The following NCAPG2 variants were observed in gnomAD, a reference collection of about 807,000 sequenced individuals.
The protein encoded by NCAPG2 is non-SMC condensin II complex subunit G2, also known as condensin-2 complex subunit G2.
Under a neutral mutation model 141.1 loss-of-function variants are expected in NCAPG2, and 53 were observed. That is an observed-to-expected ratio of 0.38 (90% CI 0.30 to 0.47). The LOEUF is 0.47. NCAPG2 is among the 20% of genes least tolerant of loss of function. NCAPG2 has a pLI of 0.99. For synonymous variants in NCAPG2, 499 were observed against 490.7 expected (o/e 1.02, Z -0.22); for missense variants, 1,087 against 1,389.0 (o/e 0.78, Z 3.46).
intron 27 of NCAPG2, among the ~76,000 whole-genome samples, chr7:158,632,112 TCTA>T (rs1276337546): frequency 3.9e-5 from 6 of 152,164 alleles, no homozygotes; most frequent in Non-Finnish European, 5.9e-5. Context: ...ACCAAGATAC[TCTA>T]CTACCATGAC....
chr7:158,683,202 T>C (rs1834544586), intron 9 of NCAPG2, 98 bp downstream of exon 9: 1 of 1,012,206 alleles, frequency 9.9e-7, no homozygotes, highest in Non-Finnish European at 1.4e-6. Context: ...CCCTAACTGA[T>C]GTCTGTGAAA....
At chr7:158,649,157 T>TA (rs1831292887) in intron 24 of NCAPG2, among the ~76,000 whole-genome samples, 1 of 152,066 alleles carries the variant, frequency 6.6e-6, no homozygotes, top group Non-Finnish European at 1.5e-5. Context: ...TCCACAATAA[T>TA]AGGAGTCAAT....
intron 13 of NCAPG2, among the ~76,000 whole-genome samples, chr7:158,667,537 T>G (rs1181893406): frequency 3.8e-5 from 1 of 26,506 alleles, no homozygotes; most frequent in Admixed American, 5.6e-4. Context: ...ACCTACCCTG[T>G]GGCCCTCCAC....
intron 9 of NCAPG2, among the ~76,000 whole-genome samples, chr7:158,682,182 A>G (rs748917924): frequency 6.6e-6 from 1 of 152,188 alleles, no homozygotes; most frequent in African/African-American, 2.4e-5. Flanking sequence ...GAAAACATAC[A>G]TAGTTTACAT....
intron 13 of NCAPG2, among the ~76,000 whole-genome samples, chr7:158,667,435 TCCTTACCCACTACTGGGTCCCTCCGCCCG>T (rs1563539097): frequency 1.3e-3 from 39 of 30,182 alleles, no homozygotes; most frequent in Admixed American, 2.0e-3. Context: ...CCCTCCGCCC[TCCTTACCCACTACTGGGTCCCTCCGCCCG>T]CCTTACCCAC....
intron 19 of NCAPG2, among the ~76,000 whole-genome samples, chr7:158,655,701 TC>T (rs1319783033): frequency 6.6e-6 from 1 of 152,302 alleles, no homozygotes; most frequent in Non-Finnish European, 1.5e-5. Context: ...GCACCACCCG[TC>T]CCCTCCCTGC....
chr7:158,680,066 C>A lies in NCAPG2; in HGVS notation c.1040G>T (p.Arg347Leu). Residue 347 changes from arginine to leucine, a missense_variant, in exon 11 of 28, where the codon CGA (arginine) becomes CTA (leucine). By Grantham distance (102) the Arg-to-Leu change is moderately radical. Coordinates refer to ENST00000356309, the MANE Select transcript of NCAPG2 (RefSeq NM_017760.7). Reference sequence around the variant, plus strand: ...AACAAACAACAATGCAGCATTTGATCGAACTTCAGAGTTTCTGGCCTATAA... The same window carrying A: ...AACAAACAACAATGCAGCATTTGATAGAACTTCAGAGTTTCTGGCCTATAA... Reference protein sequence around the residue: ...RGLKARNSEVRSNAALLFVEA... With the variant: ...RGLKARNSEVLSNAALLFVEA... 6.2e-7 allele frequency: 1 copy of A among 1,613,748 alleles called. No individual in the cohort carries two copies. The highest frequency in any genetic ancestry group is 1.1e-5 in the South Asian group (1 of 90,950).
intron 12 of NCAPG2, among the ~76,000 whole-genome samples, chr7:158,674,290 T>A (rs1968711): frequency 0.072 from 249 of 3,442 alleles, 2 homozygotes; most frequent in African/African-American, 0.12. Context: ...AAAAAAAAAT[T>A]TTTTTTTTTT....
intron 11 of NCAPG2, among the ~76,000 whole-genome samples, chr7:158,679,215 GA>G (rs1834294341): frequency 6.6e-6 from 1 of 151,972 alleles, no homozygotes; most frequent in Admixed American, 6.6e-5. Flanking sequence ...AAAAGAAAAA[GA>G]AAAAAGGGAG....
intron 27 of NCAPG2, chr7:158,641,220 G>GAAACAGGAACAAATAACAAGGGGAAC: frequency 3.1e-6 from 1 of 327,228 alleles, no homozygotes. Context: ...GTGGAAGACA[G>GAAACAGGAACAAATAACAAGGGGAAC]AAATAGGAAC....
chr7:158,643,570 T>C (rs1329480003), intron 27 of NCAPG2, among the ~76,000 whole-genome samples: 3 of 152,256 alleles, frequency 2.0e-5, no homozygotes, highest in African/African-American at 7.2e-5. Context: ...TGGAAGTTTA[T>C]TCACAAATTA....
chr7:158,666,987 C>T, intron 13 of NCAPG2: 1 of 321,566 alleles, frequency 3.1e-6, no homozygotes, highest in Non-Finnish European at 4.5e-6. Context: ...GGCAGCCTGG[C>T]TTCATGTGCC....
chr7:158,689,692 G>A (rs1247903560), intron 6 of NCAPG2, 127 bp downstream of exon 6: 2 of 753,982 alleles, frequency 2.7e-6, no homozygotes, highest in Admixed American at 3.7e-5. Context: ...TAAAAATCAT[G>A]TGCAGTAAAT....
chr7:158,663,047 A>G, intron 15 of NCAPG2, among the ~76,000 whole-genome samples: 1 of 152,286 alleles, frequency 6.6e-6, no homozygotes, highest in East Asian at 1.9e-4. Flanking sequence ...ACCCAGAGCC[A>G]GCAGTCCCAC....
In NCAPG2 at chr7:158,668,214, C is replaced by CCCTTACCCACTACTGGGTCCCTCCGCCCG. The variant is rs1833353175; in HGVS notation, c.1479+3299_1479+3300insCGGGCGGAGGGACCCAGTAGTGGGTAAGG. ...TACCGACCCTGGGTCCCTCCGCCCC[C>CCCTTACCCACTACTGGGTCCCTCCGCCCG]CCTTACCCACTACTGGGTCCCTCTG... On this transcript the variant is annotated intron_variant, in intron 13 of 27. Coordinates refer to ENST00000356309, the MANE Select transcript of NCAPG2 (RefSeq NM_017760.7). 2 of 168,240 alleles carry CCCTTACCCACTACTGGGTCCCTCCGCCCG rather than the reference C, an allele frequency of 1.2e-5. 1 individual carries two copies. Among genetic ancestry groups the CCCTTACCCACTACTGGGTCCCTCCGCCCG allele is most frequent in the Non-Finnish European group, 1.5e-5 (2 of 136,548 alleles). 10.4% of individuals were successfully genotyped at this position (168,240 alleles called of 1,614,324 possible).
rs747364993 is a variant in NCAPG2, at chr7:158,644,300, A to G, written c.3369T>C (p.Asp1123=). Residue 1123 remains aspartate, a synonymous_variant, in exon 27 of 28, where the codon GAT becomes GAC. Coordinates refer to ENST00000356309, the MANE Select transcript of NCAPG2 (RefSeq NM_017760.7). ...KTFMEITLEE[D]SIERFLYESS... ...TATCTCTCCTTTACCTTTCAATGCT[A>G]TCCTCTTCCAAAGTAATTTCCATGA... 74 of 1,610,642 alleles carry G rather than the reference A, an allele frequency of 4.6e-5. No individual in the cohort carries two copies. In the East Asian group the frequency reaches 5.1e-4, roughly 11 times the overall value.
At chr7:158,681,283 C>A (rs1175389847) in intron 9 of NCAPG2, among the ~76,000 whole-genome samples, 1 of 152,182 alleles carries the variant, frequency 6.6e-6, no homozygotes, top group Non-Finnish European at 1.5e-5. Context: ...CACTTAGTGA[C>A]CCCTCACTGT....
intron 11 of NCAPG2, among the ~76,000 whole-genome samples, chr7:158,678,736 A>C (rs913797672): frequency 4.0e-5 from 6 of 148,906 alleles, no homozygotes; most frequent in Non-Finnish European, 5.9e-5. Context: ...AATCTTTAAA[A>C]AAAAAAAAAG....
intron 27 of NCAPG2, among the ~76,000 whole-genome samples, chr7:158,636,950 T>C (rs1351541589): frequency 6.6e-6 from 1 of 151,820 alleles, no homozygotes; most frequent in Non-Finnish European, 1.5e-5. Context: ...CCTCTTCTTC[T>C]TCTTCTTTTT....
Sources: allele counts gnomAD v4.1 joint callset (sites outside exome capture counted in the v4.1 genomes callset), GRCh38; gene constraint gnomAD v4.1.1; transcripts MANE v1.5; gene names NCBI Gene and HGNC (gene_info 2026-07-23, HGNC 2026-07-21).